NR3C1: variants seen among roughly 807,000 people sequenced by gnomAD.
The protein encoded by NR3C1 is glucocorticoid receptor.
NR3C1 carries 14 observed loss-of-function variants against 74.0 expected under a neutral mutation model. The ratio of observed to expected loss-of-function variants is 0.19; its 90% CI spans 0.12 to 0.30. The LOEUF is 0.30. Among genes scored for constraint, NR3C1 ranks in the 10% least tolerant of loss-of-function variants. The pLI, the probability that NR3C1 is intolerant of heterozygous loss-of-function variation, is 1.00. For missense variants in NR3C1, 695 were observed against 909.8 expected (o/e 0.76, Z 3.04); for synonymous variants, 308 against 332.5 (o/e 0.93, Z 0.80).
intron 4 of NR3C1, among the ~76,000 whole-genome samples, chr5:143,308,497 G>A (rs1820152206): frequency 6.6e-6 from 1 of 151,932 alleles, no homozygotes; most frequent in African/African-American, 2.4e-5. Flanking sequence ...ATCATAAAAG[G>A]AACCACATGG....
At chr5:143,423,685 A>G (rs919488794) in intron 1 of NR3C1, among the ~76,000 whole-genome samples, 5 of 152,210 alleles carry the variant, frequency 3.3e-5, no homozygotes, top group Admixed American at 6.5e-5. Context: ...CACTATTCAC[A>G]ATAGCCAAGG....
rs775885472 is a variant in NR3C1 at position 143,300,546 on chromosome 5, C to T, written c.1686G>A (p.Thr562=). The T allele has an allele frequency of 1.2e-5, 19 of 1,614,048 alleles. No individual in the cohort carries two copies. The highest frequency in any genetic ancestry group is 2.7e-5 in the African/African-American group (2 of 74,910). The part of the protein sequence containing the change: ...VPDSTWRIMT[T]LNMLGGRQVI... Reference sequence around the variant, plus strand: ...CTTGCCGCCCTCCTAACATGTTGAGCGTAGTCATGATCCTCCAAGTTGAGT... The same window carrying T: ...CTTGCCGCCCTCCTAACATGTTGAGTGTAGTCATGATCCTCCAAGTTGAGT... The change falls in exon 5 of 9, where the codon ACG becomes ACA. Residue 562 remains threonine, a synonymous_variant. Coordinates refer to ENST00000394464, the MANE Select transcript of NR3C1 (RefSeq NM_000176.3). This position sits in a 1 kb window ranked among gnomAD's most constrained non-coding sequence, Gnocchi z 5.2.
At chr5:143,390,010 T>C (rs1837952352) in intron 2 of NR3C1, 1 of 727,234 alleles carries the variant, frequency 1.4e-6, no homozygotes, top group Admixed American at 6.3e-5. Flanking sequence ...CTAAAGTTCT[T>C]AAGCAGGCTG....
At chr5:143,298,405 C>T (rs578160659) in intron 6 of NR3C1, among the ~76,000 whole-genome samples, 6 of 152,298 alleles carry the variant, frequency 3.9e-5, no homozygotes, top group South Asian at 4.1e-4. Flanking sequence ...TTGTTGCTTG[C>T]GACAGACTTT....
At chr5:143,434,889 G>A (rs1273555841) in exon 1 of NR3C1, 21 of 985,108 alleles carry the variant, frequency 2.1e-5, no homozygotes, top group Non-Finnish European at 2.4e-5. Flanking sequence ...TACCAACGAT[G>A]AGCACAAACC....
upstream of NR3C1, among the ~76,000 whole-genome samples, chr5:143,406,331 A>G (rs1841107478): frequency 7.1e-6 from 1 of 141,740 alleles, no homozygotes; most frequent in African/African-American, 2.7e-5. Context: ...TTCTCCCTTC[A>G]TTTTTTTTTC....
At chr5:143,365,550 C>A (rs1430852117) in intron 2 of NR3C1, among the ~76,000 whole-genome samples, 1 of 151,992 alleles carries the variant, frequency 6.6e-6, no homozygotes, top group Non-Finnish European at 1.5e-5. Context: ...CTGAAGAAAA[C>A]AATAAACAAT....
intron 2 of NR3C1, among the ~76,000 whole-genome samples, chr5:143,355,784 G>A (rs994438057): frequency 1.8e-4 from 28 of 152,084 alleles, no homozygotes; most frequent in Admixed American, 1.8e-3. Context: ...GATCTTATAA[G>A]CCCTAAAAGA....
chr5:143,361,511 G>C (rs1832230461), intron 2 of NR3C1, among the ~76,000 whole-genome samples: 1 of 152,104 alleles, frequency 6.6e-6, no homozygotes, highest in Non-Finnish European at 1.5e-5. Flanking sequence ...ATGCAAGCCG[G>C]GTGGATTTCT....
Position 143,281,378 on chromosome 5 carries a change from A to G in NR3C1, c.*511T>C, listed in dbSNP as rs1813066270. On this transcript the variant is annotated 3_prime_UTR_variant, in exon 9 of 9. Coordinates refer to ENST00000394464, the MANE Select transcript of NR3C1 (RefSeq NM_000176.3). ...ATAAAGGAAATTGTTAAAACCAGAC[A>G]GTAATAGCTATAAAAGGCACAACTT... 1 of 156,464 alleles carries G rather than the reference A, an allele frequency of 6.4e-6. No homozygotes were observed. The highest frequency in any genetic ancestry group is 1.9e-4 in the South Asian group (1 of 5,250). 9.7% of individuals were successfully genotyped at this position (156,464 alleles called of 1,614,324 possible). A position where few individuals can be genotyped will look rare whatever the true frequency, so the allele number is the denominator to read the frequency against.
intron 7 of NR3C1, among the ~76,000 whole-genome samples, chr5:143,288,550 G>C (rs1815097475): frequency 6.6e-6 from 1 of 151,516 alleles, no homozygotes; most frequent in South Asian, 2.1e-4. Flanking sequence ...GAGTGCACTG[G>C]CATGATCATG....
At chr5:143,287,433 T>A (rs2151495926) in intron 7 of NR3C1, among the ~76,000 whole-genome samples, 1 of 152,192 alleles carries the variant, frequency 6.6e-6, no homozygotes, top group East Asian at 1.9e-4. Flanking sequence ...AATGGCTCAT[T>A]TCATAGAAAC....
rs1013873148 is a variant in NR3C1 at position 143,400,802 on chromosome 5, T to A, written c.38A>T (p.Glu13Val). 3.1e-6 allele frequency: 5 copies of A among 1,613,990 alleles called. No homozygotes were observed. The Admixed American group carries it at 6.7e-5, about 22-fold the overall frequency. Residue 13 changes from glutamate (E) to valine (V), a missense_variant, in exon 2 of 9, where the codon GAA becomes GTA. Physicochemically the swap from Glu to Val is moderately radical, Grantham distance 121. Around this residue, in one of 4 missense-constraint regions of NR3C1, gnomAD observed 497 missense variants for 489.5 expected, o/e 1.02. Coordinates refer to ENST00000394464, the MANE Select transcript of NR3C1 (RefSeq NM_000176.3). The stretch of plus-strand genomic sequence containing the variant: ...CTGAGCAAGCACACTGCTGGGGTTT[T>A]CTTCTCTACCAGGAGTTAATGATTC... The part of the protein sequence containing the change: ...SKESLTPGRE[E>V]NPSSVLAQER...
intron 1 of NR3C1, among the ~76,000 whole-genome samples, chr5:143,411,734 A>G (rs1474981028): frequency 1.3e-5 from 2 of 152,178 alleles, no homozygotes; most frequent in African/African-American, 4.8e-5. Flanking sequence ...AAATTATAAA[A>G]CACATAGATA....
intron 2 of NR3C1, chr5:143,389,965 G>T: frequency 1.0e-6 from 1 of 969,018 alleles, no homozygotes; most frequent in Non-Finnish European, 1.2e-6. Context: ...AAATATCCAA[G>T]AAAACAGTTT....
At position 143,343,046 on chromosome 5, in the gene NR3C1, T is replaced by C. The variant is rs575930471; in HGVS notation, c.1185-28878A>G. Among the ~76,000 whole-genome samples, 19 of 152,306 alleles carry C rather than the reference T, an allele frequency of 1.2e-4. No homozygotes were observed. The South Asian group carries it at 3.9e-3, about 32-fold the overall frequency. On this transcript the variant is annotated intron_variant, in intron 2 of 8. Coordinates refer to ENST00000394464, the MANE Select transcript of NR3C1 (RefSeq NM_000176.3). Reference sequence around the variant, plus strand: ...TACTAAATAACACTAGAAAACACTGTCCAACCAAGGTTCTAAGTGATCTGA... The same window carrying C: ...TACTAAATAACACTAGAAAACACTGCCCAACCAAGGTTCTAAGTGATCTGA...
chr5:143,305,309 AT>A (rs941441902), intron 4 of NR3C1, among the ~76,000 whole-genome samples: 1 of 152,190 alleles, frequency 6.6e-6, no homozygotes, highest in African/African-American at 2.4e-5. Flanking sequence ...CAAAACCACA[AT>A]GACACCACTG....
intron 4 of NR3C1, among the ~76,000 whole-genome samples, chr5:143,306,361 T>TAA (rs11395012): frequency 2.0e-5 from 3 of 151,418 alleles, no homozygotes; most frequent in Middle Eastern, 6.8e-3. Flanking sequence ...TGAAGGTTGT[T>TAA]AAAAAAAAAG....
chr5:143,423,507 C>T (rs186598934), intron 1 of NR3C1, among the ~76,000 whole-genome samples: 247 of 152,020 alleles, frequency 1.6e-3, no homozygotes, highest in Middle Eastern at 0.01. Flanking sequence ...TTGGTGGGAA[C>T]GTAAATTAGT....
Sources: allele counts gnomAD v4.1 joint callset (sites outside exome capture counted in the v4.1 genomes callset), GRCh38; gene constraint gnomAD v4.1.1; regional missense constraint gnomAD v4.1.1; non-coding constraint Gnocchi (gnomAD v3.1); transcripts MANE v1.5; gene names NCBI Gene and HGNC (gene_info 2026-07-23, HGNC 2026-07-21).